FAM107B: variants seen among roughly 807,000 people sequenced by gnomAD.
FAM107B encodes family with sequence similarity 107 member B.
Under a neutral mutation model 31.5 loss-of-function variants are expected in FAM107B, and 21 were observed. That is an observed-to-expected ratio of 0.67 (90% CI 0.47 to 0.96). FAM107B has a LOEUF of 0.96. Ranked by LOEUF, FAM107B falls within the 40% of genes least tolerant of loss-of-function variation. The pLI is 0.00. For missense variants in FAM107B, 452 were observed against 377.1 expected (o/e 1.20, Z -1.64); for synonymous variants, 157 against 141.5 (o/e 1.11, Z -0.78).
At chr10:14,577,115 A>T (rs540234174) in intron 2 of FAM107B, among the ~76,000 whole-genome samples, 16 of 152,376 alleles carry the variant, frequency 1.1e-4, no homozygotes, top group African/African-American at 3.4e-4. Context: ...GAAAACATGC[A>T]TGCCTTTTAT....
At chr10:14,595,038 T>C (rs1852140598) in intron 2 of FAM107B, among the ~76,000 whole-genome samples, 2 of 151,914 alleles carry the variant, frequency 1.3e-5, no homozygotes, top group African/African-American at 4.8e-5. Flanking sequence ...ACACTGTGAT[T>C]CTACCTGTAC....
rs1459715034 is a variant in FAM107B at position 14,520,109 on chromosome 10, TAAAG to T, written c.*1077_*1080del. ...CTTTCTTCACAAGGAAAAACAAAGA[TAAAG>T]AAATACATGAGCATTAATCAGAAAT... On this transcript the variant is annotated 3_prime_UTR_variant, in exon 5 of 5. Transcript: ENST00000181796. The T allele has an allele frequency of 6.6e-6, 1 of 152,558 alleles. No homozygotes were observed. The highest frequency in any genetic ancestry group is 1.5e-5 in the Non-Finnish European group (1 of 68,018). The allele number at this position is 152,558 out of a possible 1,614,324, so 9.5% of individuals were successfully genotyped here.
Position 14,774,636 on chromosome 10 carries a change from T to C in FAM107B, c.28A>G (p.Lys10Glu), listed in dbSNP as rs1203916205. The C allele has an allele frequency of 6.2e-7, 1 of 1,614,018 alleles. No homozygotes were observed. The highest frequency in any genetic ancestry group is 1.1e-5 in the South Asian group (1 of 91,068). ...CTTCTAGAGGGAGACTTCAGTCTTT[T>C]GGTGAGTCTTGCTTTCCACGTGGAC... MSTWKARLT[K>E]RLKSPSRSMH... Residue 10 changes from lysine to glutamate, a missense_variant, in exon 1 of 5, where the codon AAA becomes GAA. By Grantham distance (56) the Lys-to-Glu change is moderately conservative. Transcript: ENST00000181796.
At chr10:14,671,753 A>C (rs1227281866) in intron 1 of FAM107B, among the ~76,000 whole-genome samples, 1 of 152,160 alleles carries the variant, frequency 6.6e-6, no homozygotes, top group Non-Finnish European at 1.5e-5. Context: ...AGGCAGAGCC[A>C]AGAGATGCTC....
At chr10:14,689,998 A>AAAGGAAGGAAGGAAGG (rs150130671) in intron 1 of FAM107B, among the ~76,000 whole-genome samples, 5 of 127,380 alleles carry the variant, frequency 3.9e-5, no homozygotes, top group African/African-American at 1.5e-4. Context: ...AAGAAAGACA[A>AAAGGAAGGAAGGAAGG]AAGGAAGGAA....
chr10:14,636,723 A>T (rs760487948), intron 2 of FAM107B, among the ~76,000 whole-genome samples: 3 of 152,110 alleles, frequency 2.0e-5, no homozygotes, highest in Non-Finnish European at 4.4e-5. Flanking sequence ...GGGTATGAAG[A>T]TAATTCAGCC....
intron 1 of FAM107B, among the ~76,000 whole-genome samples, chr10:14,700,105 G>A (rs775497525): frequency 2.4e-4 from 36 of 151,940 alleles, no homozygotes; most frequent in East Asian, 7.7e-4. Context: ...GCTAATTTTC[G>A]TATTTTTAGT....
chr10:14,595,513 C>T (rs1852160740), intron 2 of FAM107B, among the ~76,000 whole-genome samples: 1 of 151,100 alleles, frequency 6.6e-6, no homozygotes, highest in South Asian at 2.1e-4. Context: ...GCAACCTCCG[C>T]CTCCTGAGTT....
chr10:14,691,687 A>T (rs768419244), intron 1 of FAM107B, among the ~76,000 whole-genome samples: 1 of 152,078 alleles, frequency 6.6e-6, no homozygotes, highest in African/African-American at 2.4e-5. Context: ...TGAGGTCAGA[A>T]GTTTGAGACA....
At chr10:14,589,522 A>G (rs1224861849) in intron 2 of FAM107B, among the ~76,000 whole-genome samples, 1 of 152,236 alleles carries the variant, frequency 6.6e-6, no homozygotes, top group Non-Finnish European at 1.5e-5. Context: ...CTGGGCTGTT[A>G]GGAATAAGGC....
chr10:14,630,343 A>G (rs1430269665), intron 2 of FAM107B, among the ~76,000 whole-genome samples: 1 of 152,026 alleles, frequency 6.6e-6, no homozygotes, highest in East Asian at 1.9e-4. Flanking sequence ...AGATTTACCA[A>G]AGTGATCATT....
intron 2 of FAM107B, among the ~76,000 whole-genome samples, chr10:14,604,841 TTC>T (rs1460355844): frequency 6.6e-6 from 1 of 150,702 alleles, no homozygotes; most frequent in Non-Finnish European, 1.5e-5. Context: ...TTGTCTCTCT[TTC>T]TCTCATTCTC....
chr10:14,629,601 C>T (rs1349329048), intron 2 of FAM107B, among the ~76,000 whole-genome samples: 2 of 146,074 alleles, frequency 1.4e-5, no homozygotes, highest in Non-Finnish European at 3.0e-5. Flanking sequence ...CAAGCTCCGC[C>T]TCCCGGGTTC....
At chr10:14,590,224 C>A (rs1223299747) in intron 2 of FAM107B, among the ~76,000 whole-genome samples, 1 of 152,190 alleles carries the variant, frequency 6.6e-6, no homozygotes, top group African/African-American at 2.4e-5. Context: ...ACAGAAGCAA[C>A]ATTTATGATT....
At chr10:14,546,062 CCAAA>C (rs1180852685) in intron 2 of FAM107B, among the ~76,000 whole-genome samples, 6 of 152,346 alleles carry the variant, frequency 3.9e-5, no homozygotes, top group South Asian at 2.1e-4. Flanking sequence ...GCCCAACTGG[CCAAA>C]CAAACTAATA....
chr10:14,681,980 T>C (rs1253152520), intron 1 of FAM107B, among the ~76,000 whole-genome samples: 1 of 152,336 alleles, frequency 6.6e-6, no homozygotes, highest in African/African-American at 2.4e-5. Flanking sequence ...TTCAATATTT[T>C]AACAGTGCAT....
At chr10:14,709,270 A>C (rs1367337092) in intron 1 of FAM107B, among the ~76,000 whole-genome samples, 1 of 152,188 alleles carries the variant, frequency 6.6e-6, no homozygotes. Context: ...TTTTATTCAC[A>C]ATGGCTTGTA....
intron 2 of FAM107B, among the ~76,000 whole-genome samples, chr10:14,630,852 AAAT>A (rs374937878): frequency 2.0e-5 from 3 of 152,004 alleles, no homozygotes; most frequent in African/African-American, 4.8e-5. Context: ...CCCGTCTCAA[AAAT>A]AATAATAATA....
At position 14,530,443 on chromosome 10, in the gene FAM107B, T is replaced by C. The variant is rs1406911382; in HGVS notation, c.542A>G (p.Tyr181Cys). The C allele has an allele frequency of 2.5e-6, 4 of 1,614,162 alleles. No homozygotes were observed. Among genetic ancestry groups the C allele is most frequent in the South Asian group, 2.2e-5 (2 of 91,090 alleles). ...GAGTTCAGGATTGTCATCTTCTATG[T>C]AGTCTGGCTCGGCCATGATGCTTCT... ...ITRSIMAEPDYIEDDNPELIR... is the reference protein window; with the variant it reads ...ITRSIMAEPDCIEDDNPELIR... Residue 181 changes from tyrosine (Y) to cysteine (C), a missense_variant, in exon 3 of 5, where the codon TAC becomes TGC. By Grantham distance (194) the Tyr-to-Cys change is radical. Transcript: ENST00000181796.
Sources: gnomAD v4.1 joint callset for allele counts (sites outside exome capture counted in the v4.1 genomes callset) on GRCh38, gnomAD v4.1.1 for gene constraint, MANE v1.5 for transcripts, NCBI Gene and HGNC (gene_info 2026-07-23, HGNC 2026-07-21) for gene names.